The following FNBP4 variants were observed in gnomAD, a reference collection of about 807,000 sequenced individuals.
FNBP4 encodes the protein formin-binding protein 4.
In FNBP4, 34 loss-of-function variants were observed where a neutral mutation model predicts 119.3. That is an observed-to-expected ratio of 0.28 (90% CI 0.22 to 0.38). FNBP4 has a LOEUF of 0.38. FNBP4 is among the 10% of genes least tolerant of loss of function. The pLI, the probability that FNBP4 is intolerant of heterozygous loss-of-function variation, is 1.00. For missense variants in FNBP4, 1,112 were observed against 1,228.9 expected, an observed-to-expected ratio of 0.90 and a Z score of 1.42; for synonymous variants, 462 against 430.6, an observed-to-expected ratio of 1.07 and a Z score of -0.90.
chr11:47,754,455 T>C (rs2097611738), intron 3 of FNBP4, 73 bp downstream of exon 3: 1 of 1,484,572 alleles, frequency 6.7e-7, no homozygotes, highest in Non-Finnish European at 9.3e-7. Context: ...AACTGACAAG[T>C]ACGCTGACCA....
In FNBP4 at chr11:47,724,184, A is replaced by G. The variant is rs1359794306; in HGVS notation, c.2320-12T>C. On this transcript the variant is annotated splice_polypyrimidine_tract_variant and intron_variant, in intron 13 of 16. Transcript: ENST00000263773. Reference sequence around the variant, plus strand: ...GAATCAACTGAACTCTGAAACACAAACATTTGTTATCAGTGGCTGAAGGCC... The same window carrying G: ...GAATCAACTGAACTCTGAAACACAAGCATTTGTTATCAGTGGCTGAAGGCC... The G allele has an allele frequency of 6.2e-7, 1 of 1,613,498 alleles. No homozygotes were observed. Among genetic ancestry groups the G allele is most frequent in the Admixed American group, 1.7e-5 (1 of 59,874 alleles).
At chr11:47,761,868 C>T (rs1295162050) in intron 2 of FNBP4, among the ~76,000 whole-genome samples, 2 of 151,360 alleles carry the variant, frequency 1.3e-5, no homozygotes, top group African/African-American at 2.4e-5. Flanking sequence ...GACAGAGTTT[C>T]GCTCTTGTTG....
chr11:47,733,806 C>G (rs2097570348), intron 10 of FNBP4, among the ~76,000 whole-genome samples: 1 of 152,122 alleles, frequency 6.6e-6, no homozygotes, highest in Non-Finnish European at 1.5e-5. Flanking sequence ...ATGGCCTCAT[C>G]TGACCATGAT....
chr11:47,743,917 T>G, intron 8 of FNBP4, 36 bp downstream of exon 8: 1 of 1,581,954 alleles, frequency 6.3e-7, no homozygotes, highest in Non-Finnish European at 8.7e-7. Context: ...CCTCTATATC[T>G]TTCAACTCTG....
chr11:47,752,419 C>CA (rs561341252), intron 4 of FNBP4, among the ~76,000 whole-genome samples: 360 of 78,812 alleles, frequency 4.6e-3, no homozygotes, highest in Middle Eastern at 0.024. Context: ...GGGTGAAACT[C>CA]AGTCTCAAAA....
intron 8 of FNBP4, chr11:47,743,751 G>A (rs183199112): frequency 3.1e-4 from 181 of 583,226 alleles, no homozygotes; most frequent in African/African-American, 2.7e-3. Flanking sequence ...TCCAGTGGGT[G>A]TCAGCCTCTC....
At chr11:47,719,834 C>G (rs2097553632) in intron 16 of FNBP4, 95 bp downstream of exon 16, 28 of 1,289,986 alleles carry the variant, frequency 2.2e-5, no homozygotes, top group Non-Finnish European at 2.8e-5. Context: ...TATGTCTATT[C>G]TAATGCATCT....
At chr11:47,739,628 A>C (rs967326692) in intron 8 of FNBP4, among the ~76,000 whole-genome samples, 6 of 152,348 alleles carry the variant, frequency 3.9e-5, no homozygotes, top group Admixed American at 3.9e-4. Context: ...TGCATATAAT[A>C]TAAAGAATAA....
Position 47,753,040 on chromosome 11 carries a change from T to C in FNBP4, c.513A>G (p.Pro171=), listed in dbSNP as rs762645778. ...CCTTTGGCTCTGGTCGAGGTGGAGT[T>C]GGAGGTGGAGCAGAAGCTCCTACAG... ...AAPVGASAPP[P]TPPRPEPKEA... The change falls in exon 4 of 17, where the codon CCA becomes CCG. Residue 171 remains proline (P), a synonymous_variant. Coordinates refer to ENST00000263773, the MANE Select transcript of FNBP4 (RefSeq NM_015308.5). 6.8e-6 allele frequency: 11 copies of C among 1,613,812 alleles called. No individual in the cohort carries two copies. The highest frequency in any genetic ancestry group is 1.3e-5 in the African/African-American group (1 of 74,856).
chr11:47,723,884 T>G lies in FNBP4; in HGVS notation c.2464+144A>C, dbSNP rs532454348. The stretch of plus-strand genomic sequence containing the variant: ...GGTCAGCTAAACTGTCAAAAGTTTT[T>G]TTTTTTTTTTTAAGTAAAATAAATG... On this transcript the variant is annotated intron_variant, in intron 14 of 16. Transcript: ENST00000263773. The G allele has an allele frequency of 2.8e-5, 23 of 810,116 alleles. No individual in the cohort carries two copies. The African/African-American group carries it at 3.7e-4, about 13-fold the overall frequency. The allele number at this position is 810,116 out of a possible 1,614,324, so 50.2% of individuals were successfully genotyped here. A position where few individuals can be genotyped will look rare whatever the true frequency, so the allele number is the denominator to read the frequency against.
At chr11:47,727,442 G>T (rs1190317120) in intron 12 of FNBP4, among the ~76,000 whole-genome samples, 1 of 151,988 alleles carries the variant, frequency 6.6e-6, no homozygotes, top group Non-Finnish European at 1.5e-5. Flanking sequence ...TAAGAGAGGG[G>T]TTTTCGCCAT....
At chr11:47,750,688 CAAAAAAAAAAAAAAAAA>C (rs67153479) in intron 6 of FNBP4, among the ~76,000 whole-genome samples, 11 of 68,064 alleles carry the variant, frequency 1.6e-4, no homozygotes, top group East Asian at 4.8e-4. Context: ...GACTCTGTCT[CAAAAAAAAAAAAAAAAA>C]AAAAAAAAAA....
intron 7 of FNBP4, among the ~76,000 whole-genome samples, chr11:47,745,566 T>C (rs2097588708): frequency 6.6e-6 from 1 of 152,114 alleles, no homozygotes; most frequent in Non-Finnish European, 1.5e-5. Context: ...TTAAGATGTT[T>C]ATCAAGACAA....
Position 47,732,787 on chromosome 11 carries a change from G to T in FNBP4, c.1687-117C>A. On this transcript the variant is annotated intron_variant, in intron 10 of 16. Transcript: ENST00000263773. This position sits in a 1 kb window ranked among gnomAD's most constrained non-coding sequence, Gnocchi z 4.2. ...ATCCCTGTGCTCTGGCAGGACAGTA[G>T]ACCAGAGAGGAAAATAAACCCCATC... 2.2e-6 allele frequency: 2 copies of T among 915,570 alleles called. No homozygotes were observed. Among genetic ancestry groups the T allele is most frequent in the Non-Finnish European group, 3.4e-6 (2 of 596,100 alleles). The allele number at this position is 915,570 out of a possible 1,614,324, so 56.7% of individuals were successfully genotyped here. A position where few individuals can be genotyped will look rare whatever the true frequency, so the allele number is the denominator to read the frequency against.
Position 47,759,092 on chromosome 11 carries a change from G to A in FNBP4, c.314-4428C>T, listed in dbSNP as rs371199179. 1.7e-4 allele frequency among the ~76,000 whole-genome samples: 26 copies of A among 151,896 alleles called. No individual in the cohort carries two copies. In the East Asian group the frequency reaches 4.7e-3, roughly 27 times the overall value. On this transcript the variant is annotated intron_variant, in intron 2 of 16. Transcript: ENST00000263773. ...ACGCCACCACGACCTGCTAATTTTC[G>A]TACTTTTAGTAGAGACGGGGTTTCA... is the stretch of plus-strand genomic sequence containing the variant.
intron 8 of FNBP4, among the ~76,000 whole-genome samples, chr11:47,740,599 G>GC (rs1441111602): frequency 6.7e-6 from 1 of 148,438 alleles, no homozygotes; most frequent in Non-Finnish European, 1.5e-5. Context: ...ATATGTATTT[G>GC]TTTTTTTTTT....
At position 47,732,343 on chromosome 11, in the gene FNBP4, C is replaced by G; in HGVS notation, c.1820+194G>C. On this transcript the variant is annotated intron_variant, in intron 11 of 16. Transcript: ENST00000263773. The surrounding 1 kb of genome is among the most constrained non-coding windows in gnomAD (Gnocchi z 4.2). The stretch of plus-strand genomic sequence containing the variant: ...GGGAAAAAATCCGTTACATGGAACA[C>G]TTTAAACATTGCTTTTGTTTCTCCA... 6.8e-7 allele frequency: 1 copy of G among 1,479,850 alleles called. No homozygotes were observed. Among genetic ancestry groups the G allele is most frequent in the Non-Finnish European group, 8.9e-7 (1 of 1,119,838 alleles). 91.7% of individuals were successfully genotyped at this position (1,479,850 alleles called of 1,614,324 possible).
intron 12 of FNBP4, among the ~76,000 whole-genome samples, chr11:47,727,849 A>T (rs1315657073): frequency 1.3e-5 from 2 of 152,280 alleles, no homozygotes; most frequent in East Asian, 1.9e-4. Context: ...AGAATATTTA[A>T]GTCTGAAGCC....
intron 12 of FNBP4, chr11:47,729,503 A>C: frequency 1.0e-6 from 1 of 985,246 alleles, no homozygotes. Context: ...GTAATTTTGC[A>C]CCCCTTCCCC....
Sources: gnomAD v4.1 joint callset for allele counts (sites outside exome capture counted in the v4.1 genomes callset) on GRCh38, gnomAD v4.1.1 for gene constraint, Gnocchi (gnomAD v3.1) non-coding constraint, MANE v1.5 for transcripts, NCBI Gene and HGNC (gene_info 2026-07-23, HGNC 2026-07-21) for gene names.